FMN1: variants seen among roughly 807,000 people sequenced by gnomAD.
FMN1 encodes formin 1.
FMN1 carries 110 observed loss-of-function variants against 132.4 expected under a neutral mutation model. The ratio of observed to expected loss-of-function variants is 0.83; its 90% confidence interval spans 0.71 to 0.97. FMN1 has a LOEUF of 0.97. Ranked by LOEUF, FMN1 falls within the 50% of genes least tolerant of loss-of-function variation. The probability of loss-of-function intolerance (pLI) is 0.00; values close to 1 mark genes in which losing one functional copy is unlikely to be tolerated. For missense variants in FMN1, 1,792 were observed against 1,705.3 expected (o/e 1.05, Z -0.90); for synonymous variants, 722 against 651.7 (o/e 1.11, Z -1.64).
In FMN1 at chr15:33,007,560, C is replaced by T. The variant is rs200718493; in HGVS notation, c.2223+454G>A. 1.4e-3 allele frequency among the ~76,000 whole-genome samples: 217 copies of T among 152,196 alleles called. 2 individuals carry two copies. Among genetic ancestry groups the T allele is most frequent in the African/African-American group, 5.0e-3 (209 of 41,536 alleles). Reference sequence around the variant, plus strand: ...GGATACGGAAGGGCTCAGAACTCCTCCTCCTCCACCTCCTAGGGCTCCTTC... The same window carrying T: ...GGATACGGAAGGGCTCAGAACTCCTTCTCCTCCACCTCCTAGGGCTCCTTC... On this transcript the variant is annotated intron_variant, in intron 7 of 20. Coordinates refer to ENST00000616417, the MANE Select transcript of FMN1 (RefSeq NM_001277313.2).
chr15:33,011,171 G>A (rs1405595905), intron 6 of FMN1, among the ~76,000 whole-genome samples: 1 of 152,132 alleles, frequency 6.6e-6, no homozygotes, highest in African/African-American at 2.4e-5. Flanking sequence ...TTCTTACAAT[G>A]TAATTAACAT....
At chr15:32,835,949 C>T (rs574132225) in intron 17 of FMN1, among the ~76,000 whole-genome samples, 58 of 152,236 alleles carry the variant, frequency 3.8e-4, no homozygotes, top group Admixed American at 1.7e-3. Flanking sequence ...CAGCCTCAAT[C>T]TTCTGGGCTC....
intron 17 of FMN1, among the ~76,000 whole-genome samples, chr15:32,830,700 CA>C (rs757821414): frequency 1.3e-4 from 20 of 152,024 alleles, no homozygotes; most frequent in Non-Finnish European, 2.8e-4. Context: ...GAAAGAGGGG[CA>C]GTTATATTAT....
intron 6 of FMN1, among the ~76,000 whole-genome samples, chr15:33,052,890 T>C (rs1210872308): frequency 6.6e-6 from 1 of 152,136 alleles, no homozygotes; most frequent in Admixed American, 6.5e-5. Flanking sequence ...TAACCTTTTT[T>C]GCATATTCAC....
At chr15:32,863,520 G>A (rs1029818212) in intron 16 of FMN1, among the ~76,000 whole-genome samples, 1 of 152,218 alleles carries the variant, frequency 6.6e-6, no homozygotes. Flanking sequence ...CATAAATTGT[G>A]TCAGATATTG....
chr15:33,137,772 A>G (rs1302477876), intron 4 of FMN1, among the ~76,000 whole-genome samples: 1 of 152,094 alleles, frequency 6.6e-6, no homozygotes, highest in African/African-American at 2.4e-5. Context: ...TTCTTAAAGA[A>G]CCCACCACCA....
intron 9 of FMN1, among the ~76,000 whole-genome samples, chr15:32,957,617 T>G (rs1449941851): frequency 5.9e-5 from 9 of 152,316 alleles, no homozygotes; most frequent in African/African-American, 2.2e-4. Context: ...ATTGACACAT[T>G]AATGCTTTAA....
At chr15:33,019,806 T>TA (rs2035319534) in intron 6 of FMN1, among the ~76,000 whole-genome samples, 1 of 152,132 alleles carries the variant, frequency 6.6e-6, no homozygotes, top group African/African-American at 2.4e-5. Flanking sequence ...CTCGGACCTC[T>TA]AGCTGGCCCG....
chr15:32,900,141 C>T lies in FMN1; in HGVS notation c.3508-16G>A. 1.2e-6 allele frequency: 2 copies of T among 1,613,228 alleles called. No homozygotes were observed. The highest frequency in any genetic ancestry group is 1.7e-6 in the Non-Finnish European group (2 of 1,179,786). ...GCAGCAAGTCCTGTGATGGCAAACA[C>T]CAGTTATTACGGAGCTGAACTCCAA... On this transcript the variant is annotated splice_polypyrimidine_tract_variant and intron_variant, in intron 13 of 20. Coordinates refer to ENST00000616417, the MANE Select transcript of FMN1 (RefSeq NM_001277313.2).
At chr15:32,966,051 T>C (rs2031192753) in intron 8 of FMN1, among the ~76,000 whole-genome samples, 1 of 152,058 alleles carries the variant, frequency 6.6e-6, no homozygotes, top group African/African-American at 2.4e-5. Flanking sequence ...ATGCGGCATG[T>C]TAAGGGCCAC....
At chr15:32,881,945 C>T (rs2059781552) in intron 16 of FMN1, among the ~76,000 whole-genome samples, 1 of 152,120 alleles carries the variant, frequency 6.6e-6, no homozygotes, top group Non-Finnish European at 1.5e-5. Flanking sequence ...TTCAGTTAGC[C>T]ACATCAGACT....
intron 16 of FMN1, among the ~76,000 whole-genome samples, chr15:32,873,946 C>T (rs1292461966): frequency 5.9e-5 from 9 of 151,356 alleles, no homozygotes; most frequent in African/African-American, 1.9e-4. Context: ...CTAGATTAGC[C>T]GCCTTTTTAT....
chr15:32,838,861 G>A (rs897429424), intron 17 of FMN1, among the ~76,000 whole-genome samples: 1 of 152,222 alleles, frequency 6.6e-6, no homozygotes, highest in African/African-American at 2.4e-5. Context: ...TAAACAACAT[G>A]AAGAAATCTC....
intron 6 of FMN1, among the ~76,000 whole-genome samples, chr15:33,016,424 C>T (rs569481417): frequency 2.6e-5 from 4 of 152,300 alleles, no homozygotes; most frequent in African/African-American, 7.2e-5. Context: ...GGTCTTGGGG[C>T]CCTGCGAGTC....
intron 17 of FMN1, among the ~76,000 whole-genome samples, chr15:32,808,399 AGTCTTTGCAGTCAG>A (rs1401967675): frequency 6.6e-6 from 1 of 152,226 alleles, no homozygotes; most frequent in Non-Finnish European, 1.5e-5. Flanking sequence ...AGTTGCAGCC[AGTCTTTGCAGTCAG>A]GTCTTTGACA....
chr15:32,890,562 T>A (rs76703633), intron 15 of FMN1, among the ~76,000 whole-genome samples: 3,809 of 152,334 alleles, frequency 0.025, 86 homozygotes, highest in East Asian at 0.12. Context: ...CATTTGTATA[T>A]CTTCTTTTGG....
At chr15:32,821,077 G>A (rs1281447218) in intron 17 of FMN1, among the ~76,000 whole-genome samples, 1 of 151,656 alleles carries the variant, frequency 6.6e-6, no homozygotes, top group African/African-American at 2.4e-5. Flanking sequence ...GTTGGAGATG[G>A]ATAAACACTG....
chr15:33,165,368 A>G (rs1208216059), intron 3 of FMN1, among the ~76,000 whole-genome samples: 1 of 152,228 alleles, frequency 6.6e-6, no homozygotes, highest in African/African-American at 2.4e-5. Flanking sequence ...TTCCAATTAG[A>G]GAGCACAAGG....
intron 19 of FMN1, among the ~76,000 whole-genome samples, chr15:32,794,352 G>C (rs562384808): frequency 6.6e-6 from 1 of 152,268 alleles, no homozygotes; most frequent in East Asian, 1.9e-4. Flanking sequence ...CACTTTTAAA[G>C]TTTGCTTTGG....
Sources: allele counts gnomAD v4.1 joint callset (sites outside exome capture counted in the v4.1 genomes callset), GRCh38; gene constraint gnomAD v4.1.1; transcripts MANE v1.5; gene names NCBI Gene and HGNC (gene_info 2026-07-23, HGNC 2026-07-21).